The following GDPD3 variants were observed in gnomAD, a reference collection of about 807,000 sequenced individuals.
GDPD3 encodes lysophospholipase D GDPD3.
GDPD3 carries 40 observed loss-of-function variants against 43.7 expected under a neutral mutation model. The ratio of observed to expected loss-of-function variants is 0.91; its 90% CI spans 0.71 to 1.19. GDPD3 has a LOEUF of 1.19. Among genes scored for constraint, GDPD3 ranks in the 50% most tolerant of loss-of-function variants. The pLI is 0.00. For synonymous variants in GDPD3, 145 were observed against 162.9 expected (o/e 0.89, Z 0.84); for missense variants, 363 against 415.8 (o/e 0.87, Z 1.11).
Position 30,112,261 on chromosome 16 carries a change from C to T in GDPD3, c.484-40G>A. ...AGGAGGTGAAGGGAGAGCCAGGCCT[C>T]TCTCACGCCCCCGGTGGCCGCCCTA... On this transcript the variant is annotated intron_variant, in intron 5 of 9. Transcript: ENST00000406256. This position sits in a 1 kb window ranked among gnomAD's most constrained non-coding sequence, Gnocchi z 5.4. 1 of 1,613,220 alleles carries T rather than the reference C, an allele frequency of 6.2e-7. No homozygotes were observed. The highest frequency in any genetic ancestry group is 1.3e-5 in the African/African-American group (1 of 75,042).
At chr16:30,108,648 C>T in intron 7 of GDPD3, 1 of 551,098 alleles carries the variant, frequency 1.8e-6, no homozygotes, top group South Asian at 2.1e-5. Flanking sequence ...CCTCCAGTCA[C>T]CATTCACCAG....
chr16:30,112,731 A>T lies in GDPD3; in HGVS notation c.245T>A (p.Val82Glu). ...LDCQLTRDRV[V>E]VVSHDENLCR... ...CAGGTTCTCATCATGTGACACCACCACCACTCTGTCCCGTGTCAGCTGACA... is the reference window on the plus strand; with the variant it reads ...CAGGTTCTCATCATGTGACACCACCTCCACTCTGTCCCGTGTCAGCTGACA... Residue 82 changes from valine (V) to glutamate (E), a missense_variant, in exon 3 of 10, where the codon GTG becomes GAG. By Grantham distance (121) the Val-to-Glu change is moderately radical. Coordinates refer to ENST00000406256, the MANE Select transcript of GDPD3 (RefSeq NM_024307.3). The surrounding 1 kb of genome is among the most constrained non-coding windows in gnomAD (Gnocchi z 5.4). 6.2e-7 allele frequency: 1 copy of T among 1,613,152 alleles called. No homozygotes were observed. The highest frequency in any genetic ancestry group is 8.5e-7 in the Non-Finnish European group (1 of 1,179,890).
At position 30,108,420 on chromosome 16, in the gene GDPD3, T is replaced by C; in HGVS notation, c.720A>G (p.Pro240=). ...LPNIINRTYF[P]FSCSCLNQLL... is the part of the protein sequence containing the mutation. ...ACTGGTTCAGGCAAGAGCAGGAAAA[T>C]GGGAAATAGGTCCTGCAGAGAGAAG... The change falls in exon 8 of 10, where the codon CCA becomes CCG. Residue 240 remains proline, a synonymous_variant. Transcript: ENST00000406256. 1 of 1,613,692 alleles carries C rather than the reference T, an allele frequency of 6.2e-7. No homozygotes were observed. Among genetic ancestry groups the C allele is most frequent in the South Asian group, 1.1e-5 (1 of 91,056 alleles).
intron 7 of GDPD3, among the ~76,000 whole-genome samples, chr16:30,109,121 T>C (rs55890226): frequency 0.11 from 16,743 of 151,962 alleles, 1,254 homozygotes; most frequent in African/African-American, 0.21. Context: ...TGAGCCACCG[T>C]GCCCGGCCAT....
At chr16:30,110,258 A>G (rs2072889518) in intron 7 of GDPD3, among the ~76,000 whole-genome samples, 1 of 151,644 alleles carries the variant, frequency 6.6e-6, no homozygotes, top group African/African-American at 2.4e-5. Flanking sequence ...GTGAAACCCC[A>G]TCTCTACTAA....
rs183879819 is a variant in GDPD3, at chr16:30,109,676, A to G, written c.708-1244T>C. Among the ~76,000 whole-genome samples, 437 of 151,248 alleles carry G rather than the reference A, an allele frequency of 2.9e-3. 7 individuals carry two copies. The highest frequency in any genetic ancestry group is 4.8e-3 in the Admixed American group (73 of 15,192). On this transcript the variant is annotated intron_variant, in intron 7 of 9. Coordinates refer to ENST00000406256, the MANE Select transcript of GDPD3 (RefSeq NM_024307.3). ...ACAAAATTAGCCAGGATGGTGGTGC[A>G]TGCCTGTAATGCCAGCTACTTGGGA...
chr16:30,110,744 C>A (rs935091209), intron 7 of GDPD3, among the ~76,000 whole-genome samples: 3 of 151,176 alleles, frequency 2.0e-5, no homozygotes, highest in Admixed American at 6.6e-5. Flanking sequence ...CAGTGTTGCA[C>A]GCCTATACTC....
In GDPD3 at chr16:30,112,483, CAGG is replaced by C. The variant is rs1555486790; in HGVS notation, c.364+37_364+39del. The stretch of plus-strand genomic sequence containing the variant: ...AGCCAAGGCGGAGGTCCAAGGAAGG[CAGG>C]CATGGCCCAGGCAGGGCTCGAAGCC... On this transcript the variant is annotated intron_variant, in intron 4 of 9. Transcript: ENST00000406256. The surrounding 1 kb of genome is among the most constrained non-coding windows in gnomAD (Gnocchi z 5.4). The C allele has an allele frequency of 6.2e-7, 1 of 1,613,872 alleles. No individual in the cohort carries two copies. Among genetic ancestry groups the C allele is most frequent in the Non-Finnish European group, 8.5e-7 (1 of 1,179,788 alleles).
chr16:30,108,844 T>G (rs975882790), intron 7 of GDPD3, among the ~76,000 whole-genome samples: 1 of 151,816 alleles, frequency 6.6e-6, no homozygotes, highest in Non-Finnish European at 1.5e-5. Flanking sequence ...TAATTTTTTT[T>G]TTTTTGAGAC....
At position 30,112,506 on chromosome 16, in the gene GDPD3, G is replaced by C. The variant is rs561889339; in HGVS notation, c.364+17C>G. ...GGCAGGCATGGCCCAGGCAGGGCTC[G>C]AAGCCCTTGCTCTCACCTGGAGAGA... On this transcript the variant is annotated intron_variant, in intron 4 of 9. Transcript: ENST00000406256. The surrounding 1 kb of genome is among the most constrained non-coding windows in gnomAD (Gnocchi z 5.4). The C allele has an allele frequency of 2.1e-5, 34 of 1,613,912 alleles. No homozygotes were observed. Among genetic ancestry groups the C allele is most frequent in the Non-Finnish European group, 2.8e-5 (33 of 1,179,944 alleles).
In GDPD3 at chr16:30,108,243, C is replaced by G; in HGVS notation, c.789G>C (p.Leu263=). 1.2e-6 allele frequency: 2 copies of G among 1,610,028 alleles called. No homozygotes were observed. The highest frequency in any genetic ancestry group is 1.7e-6 in the Non-Finnish European group (2 of 1,177,714). ...VSKWLIMRKS[L]IRHLEERGVQ... ...CCCCTCGCTCCTCCAAGTGTCGGAT[C>G]AGACTCTTCCTCATGATCAGCCTGG... The change falls in exon 9 of 10, where the codon CTG becomes CTC. Residue 263 remains leucine, a synonymous_variant. Coordinates refer to ENST00000406256, the MANE Select transcript of GDPD3 (RefSeq NM_024307.3).
At chr16:30,110,202 C>T (rs1305828519) in intron 7 of GDPD3, among the ~76,000 whole-genome samples, 1 of 151,968 alleles carries the variant, frequency 6.6e-6, no homozygotes, top group South Asian at 2.1e-4. Context: ...TTTGGGAGGC[C>T]GAGGCAGGCG....
Position 30,113,502 on chromosome 16 carries a change from T to C in GDPD3, c.-24A>G. The C allele has an allele frequency of 6.6e-7, 1 of 1,521,494 alleles. No homozygotes were observed. Among genetic ancestry groups the C allele is most frequent in the Non-Finnish European group, 8.9e-7 (1 of 1,126,276 alleles). The allele number at this position is 1,521,494 out of a possible 1,614,324, so 94.2% of individuals were successfully genotyped here. On this transcript the variant is annotated 5_prime_UTR_variant, in exon 1 of 10. Transcript: ENST00000406256. The surrounding 1 kb of genome is among the most constrained non-coding windows in gnomAD (Gnocchi z 5.9). ...ATGACCGTACTCCCACAGAAGCTCC[T>C]GCAGCCACACGCTCAGCCGTCCGCG... is the stretch of plus-strand genomic sequence containing the variant.
chr16:30,111,529 G>A lies in GDPD3; in HGVS notation c.574-8C>T, dbSNP rs771244297. ...CAGGGGCATCTCGGGGTTCTGGGGAGGCAAGGAGAGGCATGAGAATCTGTC... is the reference window on the plus strand; with the variant it reads ...CAGGGGCATCTCGGGGTTCTGGGGAAGCAAGGAGAGGCATGAGAATCTGTC... On this transcript the variant is annotated splice_region_variant and splice_polypyrimidine_tract_variant and intron_variant, in intron 6 of 9. Coordinates refer to ENST00000406256, the MANE Select transcript of GDPD3 (RefSeq NM_024307.3). 4 of 1,613,470 alleles carry A rather than the reference G, an allele frequency of 2.5e-6. No homozygotes were observed. The highest frequency in any genetic ancestry group is 3.4e-6 in the Non-Finnish European group (4 of 1,179,682).
chr16:30,112,695 G>A lies in GDPD3; in HGVS notation c.281C>T (p.Ser94Leu), dbSNP rs138427877. 2.0e-3 allele frequency: 3,180 copies of A among 1,613,972 alleles called. 11 individuals carry two copies. The highest frequency in any genetic ancestry group is 2.2e-3 in the Non-Finnish European group (2,629 of 1,180,004). ...GCTGCCCACATCCCTGTTTAGGCCC[G>A]ACTGGCGGCACAGGTTCTCATCATG... is the stretch of plus-strand genomic sequence containing the variant. ...VSHDENLCRQSGLNRDVGSLD... is the reference protein window; with the variant it reads ...VSHDENLCRQLGLNRDVGSLD... Residue 94 changes from serine (S) to leucine (L), a missense_variant, in exon 3 of 10, where the codon TCG becomes TTG. Coordinates refer to ENST00000406256, the MANE Select transcript of GDPD3 (RefSeq NM_024307.3). This position sits in a 1 kb window ranked among gnomAD's most constrained non-coding sequence, Gnocchi z 5.4.
At chr16:30,108,097 A>G (rs1298517367) in intron 9 of GDPD3, 116 bp downstream of exon 9, 2 of 761,000 alleles carry the variant, frequency 2.6e-6, no homozygotes, top group Non-Finnish European at 4.3e-6. Flanking sequence ...CATTTTAGGG[A>G]CGAAGAAACT....
Position 30,111,274 on chromosome 16 carries a change from A to T in GDPD3, c.707+114T>A, listed in dbSNP as rs1596872279. 9.1e-6 allele frequency: 11 copies of T among 1,213,814 alleles called. No individual in the cohort carries two copies. In the East Asian group the frequency reaches 2.6e-4, roughly 29 times the overall value. 75.2% of individuals were successfully genotyped at this position (1,213,814 alleles called of 1,614,324 possible). The stretch of plus-strand genomic sequence containing the variant: ...CTGGGTAAGAACCACTGTCCTTAAA[A>T]GACCTTGGGGGTTATCTCTGAGGGG... On this transcript the variant is annotated intron_variant, in intron 7 of 9. Coordinates refer to ENST00000406256, the MANE Select transcript of GDPD3 (RefSeq NM_024307.3).
Position 30,112,397 on chromosome 16 carries a change from C to T in GDPD3, c.392G>A (p.Arg131His), listed in dbSNP as rs200678682. The change falls in exon 5 of 10, where the codon CGC becomes CAC. Residue 131 changes from arginine to histidine, a missense_variant. Transcript: ENST00000406256. The surrounding 1 kb of genome is among the most constrained non-coding windows in gnomAD (Gnocchi z 5.4). ...GAACAGGTCCTCCAGACGAACCATG[C>T]GCCGGTCTGACCCGTGAGCAAAGTG... Reference protein sequence around the residue: ...PGHFAHGSDRRMVRLEDLFQR... With the variant: ...PGHFAHGSDRHMVRLEDLFQR... The T allele has an allele frequency of 1.9e-5, 30 of 1,613,748 alleles. No homozygotes were observed. The East Asian group carries it at 3.6e-4, about 19-fold the overall frequency.
At position 30,111,253 on chromosome 16, in the gene GDPD3, G is replaced by C. The variant is rs936760470; in HGVS notation, c.707+135C>G. ...TTCCCTTAGTATTCATGAATGCTGG[G>C]TAAGAACCACTGTCCTTAAAAGACC... On this transcript the variant is annotated intron_variant, in intron 7 of 9. Coordinates refer to ENST00000406256, the MANE Select transcript of GDPD3 (RefSeq NM_024307.3). 8 of 966,358 alleles carry C rather than the reference G, an allele frequency of 8.3e-6. No individual in the cohort carries two copies. The African/African-American group carries it at 1.3e-4, about 16-fold the overall frequency. 59.9% of individuals were successfully genotyped at this position (966,358 alleles called of 1,614,324 possible).
Sources: allele counts gnomAD v4.1 joint callset (sites outside exome capture counted in the v4.1 genomes callset), GRCh38; gene constraint gnomAD v4.1.1; non-coding constraint Gnocchi (gnomAD v3.1); transcripts MANE v1.5; gene names NCBI Gene and HGNC (gene_info 2026-07-23, HGNC 2026-07-21).